Variants in AHI1 observed in about 807,000 individuals in gnomAD.
The protein encoded by AHI1 is jouberin.
A neutral mutation model predicts 149.3 loss-of-function variants in AHI1; 123 were observed. The ratio of observed to expected loss-of-function variants is 0.82; its 90% CI spans 0.71 to 0.96. AHI1 has a LOEUF of 0.96. Ranked by LOEUF, AHI1 falls within the 40% of genes least tolerant of loss-of-function variation. The pLI is 0.00. For synonymous variants in AHI1, 475 were observed against 459.8 expected, an observed-to-expected ratio of 1.03 and a Z score of -0.42; for missense variants, 1,439 against 1,422.7, an observed-to-expected ratio of 1.01 and a Z score of -0.18.
At chr6:135,472,125 T>C (rs1176011055) in intron 5 of AHI1, among the ~76,000 whole-genome samples, 1 of 151,592 alleles carries the variant, frequency 6.6e-6, no homozygotes, top group African/African-American at 2.4e-5. Context: ...TATGCAGTCA[T>C]GTGACCACCA....
chr6:135,468,247 TTC>T (rs753457756), intron 5 of AHI1, among the ~76,000 whole-genome samples: 5 of 152,192 alleles, frequency 3.3e-5, no homozygotes, highest in Non-Finnish European at 5.9e-5. Context: ...TATTCACATG[TTC>T]TGTTTTAGAA....
intron 22 of AHI1, among the ~76,000 whole-genome samples, chr6:135,403,191 T>C (rs1435014062): frequency 6.6e-6 from 1 of 152,066 alleles, no homozygotes; most frequent in Non-Finnish European, 1.5e-5. Context: ...CTAAGAGATA[T>C]GGGGCTTCAT....
chr6:135,397,754 T>C (rs988065464), intron 22 of AHI1, among the ~76,000 whole-genome samples: 3 of 152,108 alleles, frequency 2.0e-5, no homozygotes, highest in African/African-American at 4.8e-5. Context: ...GGGAGATATA[T>C]AGTACTCATT....
chr6:135,459,056 T>C (rs1789448777), intron 8 of AHI1, among the ~76,000 whole-genome samples: 1 of 152,126 alleles, frequency 6.6e-6, no homozygotes, highest in Non-Finnish European at 1.5e-5. Context: ...CTGACATACA[T>C]AGGACACTGC....
intron 5 of AHI1, among the ~76,000 whole-genome samples, chr6:135,473,088 G>T (rs1178199995): frequency 2.0e-5 from 3 of 152,060 alleles, no homozygotes; most frequent in African/African-American, 7.2e-5. Flanking sequence ...AAGTTCTACA[G>T]TTTTAGCTCT....
chr6:135,471,739 G>A (rs1303357037), intron 5 of AHI1, among the ~76,000 whole-genome samples: 1 of 151,938 alleles, frequency 6.6e-6, no homozygotes, highest in Non-Finnish European at 1.5e-5. Flanking sequence ...CAGGCCGGGC[G>A]CGGTGGCTCA....
chr6:135,442,303 A>G (rs1786423417), intron 14 of AHI1, among the ~76,000 whole-genome samples: 1 of 152,308 alleles, frequency 6.6e-6, no homozygotes, highest in Admixed American at 6.5e-5. Flanking sequence ...CCAAATTTCT[A>G]TATTTAAAAT....
At chr6:135,299,135 T>C (rs17064397) in intron 27 of AHI1, among the ~76,000 whole-genome samples, 16,505 of 152,136 alleles carry the variant, frequency 0.11, 2,964 homozygotes, top group African/African-American at 0.37. Context: ...ATCTGACTGA[T>C]AACAGTAAAA....
intron 5 of AHI1, among the ~76,000 whole-genome samples, chr6:135,485,076 T>TC (rs1002143734): frequency 6.6e-6 from 1 of 151,146 alleles, no homozygotes; most frequent in African/African-American, 2.4e-5. Flanking sequence ...ACAATTTCTT[T>TC]TTTTTTTTTT....
intron 23 of AHI1, among the ~76,000 whole-genome samples, chr6:135,375,370 C>A (rs1582898100): frequency 6.6e-6 from 1 of 152,186 alleles, no homozygotes; most frequent in African/African-American, 2.4e-5. Flanking sequence ...TAAAAAGCCT[C>A]TGTAACTAAA....
chr6:135,420,043 G>A (rs1562724439), intron 20 of AHI1, among the ~76,000 whole-genome samples: 1 of 152,134 alleles, frequency 6.6e-6, no homozygotes, highest in Non-Finnish European at 1.5e-5. Flanking sequence ...TGAGATTGCA[G>A]TAATTCATTC....
At chr6:135,297,310 A>G (rs1288387235) in intron 27 of AHI1, 6 of 384,614 alleles carry the variant, frequency 1.6e-5, no homozygotes, top group Non-Finnish European at 3.1e-5. Context: ...CCAAGACACT[A>G]ATCAGTCAGT....
intron 14 of AHI1, among the ~76,000 whole-genome samples, chr6:135,438,943 T>C (rs559616636): frequency 1.3e-5 from 2 of 152,184 alleles, no homozygotes; most frequent in South Asian, 2.1e-4. Context: ...TAAATTTTAA[T>C]ACTAAAATGA....
chr6:135,366,878 C>T (rs1324143791), intron 23 of AHI1, among the ~76,000 whole-genome samples: 2 of 152,108 alleles, frequency 1.3e-5, no homozygotes, highest in Non-Finnish European at 2.9e-5. Flanking sequence ...CTTAGTTTGT[C>T]TGCCTGTGCT....
At position 135,463,247 on chromosome 6, in the gene AHI1, C is replaced by G. The variant is rs1373431146; in HGVS notation, c.809G>C (p.Arg270Thr). ...EGEQKKESSV[R>T]SVSSDSHQDD... is the part of the protein sequence containing the mutation. ...TTGATGAGAATCTGAAGAAACTGAT[C>G]TAACTGAAGATTCTTTCTTTTGTTC... Residue 270 changes from arginine to threonine, a missense_variant, in exon 8 of 29, where the codon AGA (arginine) becomes ACA (threonine). Arg to Thr is a moderately conservative substitution (Grantham distance 71, BLOSUM62 -1). Transcript: ENST00000265602. 6 of 1,610,466 alleles carry G rather than the reference C, an allele frequency of 3.7e-6. No individual in the cohort carries two copies. In the Admixed American group the frequency reaches 8.4e-5, roughly 22 times the overall value.
intron 23 of AHI1, among the ~76,000 whole-genome samples, chr6:135,368,987 C>A (rs1468410750): frequency 1.3e-5 from 2 of 152,228 alleles, no homozygotes; most frequent in African/African-American, 2.4e-5. Context: ...GTTTCCTTCT[C>A]CTTGTTGTCT....
At chr6:135,435,074 T>G (rs1785202416) in intron 15 of AHI1, 1 of 152,156 alleles carries the variant, frequency 6.6e-6, no homozygotes, top group Non-Finnish European at 1.5e-5. Context: ...GGACAGAAAT[T>G]CATACTTCTG....
intron 28 of AHI1, among the ~76,000 whole-genome samples, 157 bp downstream of exon 28, chr6:135,290,266 C>T (rs905911932): frequency 4.6e-5 from 7 of 152,154 alleles, no homozygotes; most frequent in African/African-American, 1.7e-4. Context: ...CTATCTTCTC[C>T]AAGGTCGCAA....
intron 5 of AHI1, among the ~76,000 whole-genome samples, chr6:135,484,568 T>C (rs1794192771): frequency 6.6e-6 from 1 of 152,268 alleles, no homozygotes; most frequent in African/African-American, 2.4e-5. Context: ...ACAAAAGGGA[T>C]GAAACTTACT....
Sources: gnomAD v4.1 joint callset for allele counts (sites outside exome capture counted in the v4.1 genomes callset) on GRCh38, gnomAD v4.1.1 for gene constraint, MANE v1.5 for transcripts, NCBI Gene and HGNC (gene_info 2026-07-23, HGNC 2026-07-21) for gene names.